TMEM164: variants seen among roughly 807,000 people sequenced by gnomAD.
The protein encoded by TMEM164 is RP13-360B22.2.
TMEM164 carries 4 observed loss-of-function variants against 18.8 expected under a neutral mutation model. The ratio of observed to expected loss-of-function variants is 0.21; its 90% CI spans 0.10 to 0.49. The LOEUF (loss-of-function observed/expected upper bound fraction) is 0.49. Among genes scored for constraint, TMEM164 ranks in the 20% least tolerant of loss-of-function variants. The pLI, the probability that TMEM164 is intolerant of heterozygous loss-of-function variation, is 0.98. For missense variants in TMEM164, 108 were observed against 239.9 expected, an observed-to-expected ratio of 0.45 and a Z score of 3.63; for synonymous variants, 86 against 101.7, an observed-to-expected ratio of 0.85 and a Z score of 0.93.
Position 110,084,361 on chromosome X carries a change from A to ACTATACT in TMEM164, c.440+16965_440+16966insCTATACT, listed in dbSNP as rs1196439420. 6.4e-5 allele frequency among the ~76,000 whole-genome samples: 5 copies of ACTATACT among 77,666 alleles called. 1 individual carries two copies. The highest frequency in any genetic ancestry group is 2.5e-4 in the African/African-American group (5 of 20,278). The allele number at this position is 77,666 out of a possible 115,157, so 67.4% of individuals were successfully genotyped here. On this transcript the variant is annotated intron_variant, in intron 3 of 6. Transcript: ENST00000372068. The stretch of plus-strand genomic sequence containing the variant: ...TCTACTAAAAATACTATATATATAT[A>ACTATACT]GTATAGTATATATATAGTGTATATA...
chrX:110,008,052 A>G (rs893574053), intron 2 of TMEM164, among the ~76,000 whole-genome samples: 23 of 112,346 alleles, frequency 2.0e-4, no homozygotes, highest in Non-Finnish European at 3.8e-4. Flanking sequence ...ATCCTTTTTT[A>G]GAGTTGCTGT....
chrX:110,053,246 C>A (rs751918855), intron 2 of TMEM164, among the ~76,000 whole-genome samples: 1 of 111,618 alleles, frequency 9.0e-6, no homozygotes, highest in South Asian at 3.8e-4. Context: ...GAGAGTTAGG[C>A]TAACTCACCA....
Position 110,138,445 on chromosome X carries a change from G to A in TMEM164, c.508-6353G>A, listed in dbSNP as rs916244279. Among the ~76,000 whole-genome samples, 2 of 112,116 alleles carry A rather than the reference G, an allele frequency of 1.8e-5. 1 individual carries two copies. Among genetic ancestry groups the A allele is most frequent in the Non-Finnish European group, 3.8e-5 (2 of 53,254 alleles). On this transcript the variant is annotated intron_variant, in intron 4 of 6. Coordinates refer to ENST00000372068, the MANE Select transcript of TMEM164 (RefSeq NM_032227.4). The stretch of plus-strand genomic sequence containing the variant: ...ACCGATTGGGAGTCATCAGTATACA[G>A]ATGGTATCTAGAGCCAGGAACCTGG...
rs1327712956 is a variant in TMEM164 at position 110,003,164 on chromosome X, A to G, written c.-289A>G. On this transcript the variant is annotated 5_prime_UTR_variant, in exon 1 of 7. Transcript: ENST00000372068. ...GGCCACGCGGTTGCAGGAGTAAGAGATCCCTCTGTGGCGAGTGCGTGAGAC... is the reference window on the plus strand; with the variant it reads ...GGCCACGCGGTTGCAGGAGTAAGAGGTCCCTCTGTGGCGAGTGCGTGAGAC... 1 of 112,190 alleles carries G rather than the reference A, an allele frequency of 8.9e-6. No homozygotes were observed. Among genetic ancestry groups the G allele is most frequent in the Non-Finnish European group, 1.9e-5 (1 of 53,106 alleles). 9.2% of individuals were successfully genotyped at this position (112,190 alleles called of 1,213,427 possible). A position where few individuals can be genotyped will look rare whatever the true frequency, so the allele number is the denominator to read the frequency against.
intron 4 of TMEM164, among the ~76,000 whole-genome samples, chrX:110,132,510 G>A (rs890479143): frequency 1.8e-5 from 2 of 111,542 alleles, no homozygotes; most frequent in Admixed American, 9.5e-5. Flanking sequence ...ATGTAGCTAT[G>A]GATATATAGA....
intron 3 of TMEM164, chrX:110,081,997 A>G (rs1411147085): frequency 8.9e-6 from 1 of 112,587 alleles, no homozygotes; most frequent in Non-Finnish European, 1.9e-5. Context: ...ACACTTGACA[A>G]GAGGGAATGA....
At chrX:110,033,386 T>C (rs1009818642) in intron 2 of TMEM164, among the ~76,000 whole-genome samples, 1 of 112,258 alleles carries the variant, frequency 8.9e-6, no homozygotes, top group Non-Finnish European at 1.9e-5. Context: ...TGTAGGTGAT[T>C]AATCTTCTTT....
chrX:110,097,774 A>C (rs1391239950), intron 3 of TMEM164, among the ~76,000 whole-genome samples: 1 of 111,999 alleles, frequency 8.9e-6, no homozygotes, highest in Non-Finnish European at 1.9e-5. Flanking sequence ...TGTATGTTTA[A>C]AACTTTAAGT....
At chrX:110,062,629 G>A (rs1936167820) in intron 2 of TMEM164, among the ~76,000 whole-genome samples, 1 of 111,816 alleles carries the variant, frequency 8.9e-6, no homozygotes, top group Admixed American at 9.5e-5. Flanking sequence ...GCAACCAGAG[G>A]ATATTGGTTG....
intron 4 of TMEM164, among the ~76,000 whole-genome samples, chrX:110,124,172 A>AAGGCAGGCAGGCAGGC (rs1376162998): frequency 1.2e-5 from 1 of 83,968 alleles, no homozygotes; most frequent in African/African-American, 5.2e-5. Context: ...GGAAGGAAGG[A>AAGGCAGGCAGGCAGGC]AGGAAGGCAG....
At chrX:110,020,299 T>G (rs1439610974) in intron 2 of TMEM164, 2 of 679,448 alleles carry the variant, frequency 2.9e-6, no homozygotes. Flanking sequence ...ATGAGGAAAC[T>G]GTGGCTTAGA....
chrX:110,017,470 CCT>C (rs1933486564), intron 2 of TMEM164, among the ~76,000 whole-genome samples: 11 of 23,413 alleles, frequency 4.7e-4, no homozygotes, highest in East Asian at 1.6e-3. Context: ...CTCTTTCTTT[CCT>C]TCCCTCCCTC....
At chrX:110,168,507 G>A (rs984310390) in intron 5 of TMEM164, among the ~76,000 whole-genome samples, 5 of 112,387 alleles carry the variant, frequency 4.4e-5, no homozygotes, top group Admixed American at 1.9e-4. Context: ...CCAGTGCTCC[G>A]CTCTTATGAC....
chrX:110,078,352 C>G (rs2065702683), intron 3 of TMEM164, among the ~76,000 whole-genome samples: 1 of 111,354 alleles, frequency 9.0e-6, no homozygotes, highest in South Asian at 3.7e-4. Context: ...TGTCTTTTAA[C>G]TCTTGGATCA....
At chrX:110,144,901 A>G (rs1322053651) in intron 5 of TMEM164, 25 bp downstream of exon 5, 1 of 1,144,878 alleles carries the variant, frequency 8.7e-7, no homozygotes, top group Non-Finnish European at 1.2e-6. Context: ...CCACATTCCT[A>G]TGTAACCCCC....
At chrX:110,004,448 G>T (rs148819227) in intron 2 of TMEM164, among the ~76,000 whole-genome samples, 2 of 110,674 alleles carry the variant, frequency 1.8e-5, no homozygotes, top group Non-Finnish European at 3.8e-5. Flanking sequence ...CAACCCTGCC[G>T]TGCCCTGGGC....
intron 2 of TMEM164, chrX:110,020,614 C>T: frequency 1.2e-5 from 9 of 754,344 alleles, no homozygotes; most frequent in Non-Finnish European, 1.4e-5. Flanking sequence ...GGAGCTGGTC[C>T]TCTATGTCAT....
intron 4 of TMEM164, among the ~76,000 whole-genome samples, chrX:110,128,916 T>C (rs1265144409): frequency 8.9e-6 from 1 of 111,996 alleles, no homozygotes; most frequent in Non-Finnish European, 1.9e-5. Flanking sequence ...TCAGGATTCC[T>C]GGCTTGTTTC....
chrX:110,115,858 G>C (rs937473267), intron 4 of TMEM164, among the ~76,000 whole-genome samples: 4 of 112,055 alleles, frequency 3.6e-5, no homozygotes, highest in Non-Finnish European at 5.6e-5. Flanking sequence ...GGGAGGTCAA[G>C]GCAGGAGGAT....
Sources: allele counts gnomAD v4.1 joint callset (sites outside exome capture counted in the v4.1 genomes callset), GRCh38; gene constraint gnomAD v4.1.1; transcripts MANE v1.5; gene names NCBI Gene and HGNC (gene_info 2026-07-23, HGNC 2026-07-21).